COPG1: variants seen among roughly 807,000 people sequenced by gnomAD.
The protein encoded by COPG1 is coat protein complex I subunit gamma 1.
In COPG1, 29 loss-of-function variants were observed where a neutral mutation model predicts 102.8. That is an observed-to-expected ratio of 0.28 (90% CI 0.21 to 0.38). The LOEUF is 0.38. COPG1 is among the 10% of genes least tolerant of loss of function. COPG1 has a pLI of 1.00. For synonymous variants in COPG1, 406 were observed against 421.6 expected, an observed-to-expected ratio of 0.96 and a Z score of 0.45; for missense variants, 875 against 1,132.7, an observed-to-expected ratio of 0.77 and a Z score of 3.27.
At chr3:129,252,074 C>T (rs1030009331) in intron 2 of COPG1, among the ~76,000 whole-genome samples, 1 of 152,136 alleles carries the variant, frequency 6.6e-6, no homozygotes. Context: ...TTAGCACATC[C>T]CTAACTAATA....
intron 12 of COPG1, among the ~76,000 whole-genome samples, chr3:129,262,740 C>G (rs1174985281): frequency 6.7e-6 from 1 of 148,172 alleles, no homozygotes; most frequent in African/African-American, 2.6e-5. Flanking sequence ...AAAAAATTGG[C>G]TGGGCGCGGT....
rs945833876 is a variant in COPG1 at position 129,275,070 on chromosome 3, G to A, written c.2395+94G>A. 1 of 1,531,264 alleles carries A rather than the reference G, an allele frequency of 6.5e-7. No homozygotes were observed. Among genetic ancestry groups the A allele is most frequent in the Non-Finnish European group, 9.0e-7 (1 of 1,111,120 alleles). 94.9% of individuals were successfully genotyped at this position (1,531,264 alleles called of 1,614,324 possible). On this transcript the variant is annotated intron_variant, in intron 22 of 23. Transcript: ENST00000314797. This position sits in a 1 kb window ranked among gnomAD's most constrained non-coding sequence, Gnocchi z 5.0. ...CATCCCTTTTCTCTCCAAGGATCCA[G>A]GGCCATGTCTGGAGCACATATGTCA...
At chr3:129,263,266 G>T (rs1939977457) in intron 12 of COPG1, among the ~76,000 whole-genome samples, 1 of 152,230 alleles carries the variant, frequency 6.6e-6, no homozygotes, top group African/African-American at 2.4e-5. Context: ...TGACTAGTTT[G>T]CAGGGGAGGA....
At chr3:129,267,599 GA>G (rs1940091697) in intron 15 of COPG1, among the ~76,000 whole-genome samples, 1 of 152,066 alleles carries the variant, frequency 6.6e-6, no homozygotes, top group Non-Finnish European at 1.5e-5. Flanking sequence ...CAGCCTGGGT[GA>G]CAGAGCGAGA....
At position 129,271,573 on chromosome 3, in the gene COPG1, C is replaced by T. The variant is rs1331819584; in HGVS notation, c.1844-194C>T. ...AGAGTATTTGTGGGGGGTTGTGCCACATGAGCGAAGTCAGGGAGATGAGAA... is the reference window on the plus strand; with the variant it reads ...AGAGTATTTGTGGGGGGTTGTGCCATATGAGCGAAGTCAGGGAGATGAGAA... On this transcript the variant is annotated intron_variant, in intron 18 of 23. Coordinates refer to ENST00000314797, the MANE Select transcript of COPG1 (RefSeq NM_016128.4). This position sits in a 1 kb window ranked among gnomAD's most constrained non-coding sequence, Gnocchi z 4.7. Among the ~76,000 whole-genome samples, 1 of 152,108 alleles carries T rather than the reference C, an allele frequency of 6.6e-6. No individual in the cohort carries two copies. The highest frequency in any genetic ancestry group is 2.4e-5 in the African/African-American group (1 of 41,396).
Position 129,275,841 on chromosome 3 carries a change from AT to A in COPG1, c.2494+557del, listed in dbSNP as rs574322676. Among the ~76,000 whole-genome samples the A allele has an allele frequency of 3.3e-5, 5 of 152,036 alleles. No homozygotes were observed. The East Asian group carries it at 5.8e-4, about 18-fold the overall frequency. ...TTTTTTCATCCCAAACTGAATCCTC[AT>A]TTTTTTTATAGTTGCTTAGTATTCC... On this transcript the variant is annotated intron_variant, in intron 23 of 23. Transcript: ENST00000314797. This position sits in a 1 kb window ranked among gnomAD's most constrained non-coding sequence, Gnocchi z 5.0.
intron 23 of COPG1, among the ~76,000 whole-genome samples, chr3:129,276,698 G>C (rs75386471): frequency 0.016 from 2,511 of 152,202 alleles, 70 homozygotes; most frequent in African/African-American, 0.057. Flanking sequence ...GAGCCTCTGT[G>C]ACATGAGATA....
chr3:129,249,870 A>C (rs928037735), intron 1 of COPG1, 124 bp downstream of exon 1: 26 of 998,574 alleles, frequency 2.6e-5, no homozygotes, highest in Non-Finnish European at 3.6e-5. Flanking sequence ...GCCAGGGTCC[A>C]CAGCTAGTCA....
Position 129,277,505 on chromosome 3 carries a change from C to T in COPG1, c.*81C>T. The T allele has an allele frequency of 6.9e-7, 1 of 1,452,050 alleles. No individual in the cohort carries two copies. Among genetic ancestry groups the T allele is most frequent in the Non-Finnish European group, 9.5e-7 (1 of 1,054,140 alleles). 89.9% of individuals were successfully genotyped at this position (1,452,050 alleles called of 1,614,324 possible). On this transcript the variant is annotated 3_prime_UTR_variant, in exon 24 of 24. Coordinates refer to ENST00000314797, the MANE Select transcript of COPG1 (RefSeq NM_016128.4). ...CCTTCCTCATGAAACTGGCAGAAAC[C>T]CCTTCCCAAGCTTCTGTATTGAAAA...
In COPG1 at chr3:129,260,734, G is replaced by A; in HGVS notation, c.1055G>A (p.Gly352Asp). ...GCCATCACCACCCTCCTTAAGACGGGCAGCGAGAGCAGCATCGACCGCCTC... is the reference window on the plus strand; with the variant it reads ...GCCATCACCACCCTCCTTAAGACGGACAGCGAGAGCAGCATCGACCGCCTC... ...TLAITTLLKT[G>D]SESSIDRLMK... Residue 352 changes from glycine (G) to aspartate (D), a missense_variant, in exon 12 of 24, where the codon GGC (glycine) becomes GAC (aspartate). By Grantham distance (94) the Gly-to-Asp change is moderately conservative (BLOSUM62 -1). Coordinates refer to ENST00000314797, the MANE Select transcript of COPG1 (RefSeq NM_016128.4). 1 of 1,613,388 alleles carries A rather than the reference G, an allele frequency of 6.2e-7. No homozygotes were observed. Among genetic ancestry groups the A allele is most frequent in the Non-Finnish European group, 8.5e-7 (1 of 1,180,028 alleles).
chr3:129,254,867 G>C (rs1275715984), intron 6 of COPG1, 118 bp from the exon 7 acceptor site: 2 of 1,181,198 alleles, frequency 1.7e-6, no homozygotes, highest in Admixed American at 3.7e-5. Flanking sequence ...GCAGTGTGCA[G>C]GAGCACATGA....
intron 11 of COPG1, 62 bp from the exon 12 acceptor site, chr3:129,260,557 A>C: frequency 1.3e-6 from 2 of 1,578,128 alleles, no homozygotes; most frequent in Non-Finnish European, 1.7e-6. Flanking sequence ...ACTGGGCCAA[A>C]CCATCAAATG....
At chr3:129,259,318 G>A (rs970315088) in intron 10 of COPG1, among the ~76,000 whole-genome samples, 2 of 151,960 alleles carry the variant, frequency 1.3e-5, no homozygotes, top group African/African-American at 4.8e-5. Context: ...AAAATTAGCC[G>A]GGCGTGGTGG....
Position 129,274,918 on chromosome 3 carries a change from A to G in COPG1, c.2337A>G (p.Val779=), listed in dbSNP as rs1940237486. The change falls in exon 22 of 24, where the codon GTA becomes GTG. Residue 779 remains valine, a synonymous_variant. Transcript: ENST00000314797. ...ACTTCGAAGCAGCCTGGGATGAGGT[A>G]GGGGATGAATTTGAGAAGGAGGAAA... is the stretch of plus-strand genomic sequence containing the variant. ...KLNFEAAWDE[V]GDEFEKEETF... 3 of 1,614,084 alleles carry G rather than the reference A, an allele frequency of 1.9e-6. No individual in the cohort carries two copies. Among genetic ancestry groups the G allele is most frequent in the Non-Finnish European group, 2.5e-6 (3 of 1,180,012 alleles).
rs1462822932 is a variant in COPG1 at position 129,275,999 on chromosome 3, G to C, written c.2494+707G>C. On this transcript the variant is annotated intron_variant, in intron 23 of 23. Transcript: ENST00000314797. This position sits in a 1 kb window ranked among gnomAD's most constrained non-coding sequence, Gnocchi z 5.0. ...ACACACACACACACACACACACACA[G>C]TTTACTTTGCATGTGTACACTGAGA... Among the ~76,000 whole-genome samples the C allele has an allele frequency of 6.6e-6, 1 of 150,640 alleles. No homozygotes were observed. The highest frequency in any genetic ancestry group is 1.5e-5 in the Non-Finnish European group (1 of 67,798).
At chr3:129,264,852 C>T (rs189072000) in intron 13 of COPG1, among the ~76,000 whole-genome samples, 98 of 151,298 alleles carry the variant, frequency 6.5e-4, no homozygotes, top group Admixed American at 1.5e-3. Flanking sequence ...GTAGGAGTCT[C>T]GTTCTGCTGC....
At chr3:129,272,768 C>A in intron 20 of COPG1, 39 bp from the exon 21 acceptor site, 1 of 1,380,460 alleles carries the variant, frequency 7.2e-7, no homozygotes, top group Non-Finnish European at 1.0e-6. Context: ...CCCCTGCAGG[C>A]TGGGGACATC....
At chr3:129,259,190 C>T (rs925636032) in intron 10 of COPG1, among the ~76,000 whole-genome samples, 5 of 152,060 alleles carry the variant, frequency 3.3e-5, no homozygotes, top group Admixed American at 1.3e-4. Context: ...CTGCTGGGCA[C>T]GGTGGCTCAC....
intron 17 of COPG1, 121 bp from the exon 18 acceptor site, chr3:129,268,811 T>C (rs1242304840): frequency 6.2e-6 from 7 of 1,136,362 alleles, no homozygotes; most frequent in Non-Finnish European, 9.2e-6. Flanking sequence ...TCACATGTCT[T>C]CTGCTTCCCA....
Sources: gnomAD v4.1 joint callset for allele counts (sites outside exome capture counted in the v4.1 genomes callset) on GRCh38, gnomAD v4.1.1 for gene constraint, Gnocchi (gnomAD v3.1) non-coding constraint, MANE v1.5 for transcripts, NCBI Gene and HGNC (gene_info 2026-07-23, HGNC 2026-07-21) for gene names.